The following LMNTD1 variants were observed in gnomAD, a reference collection of about 807,000 sequenced individuals.
LMNTD1 encodes lamin tail domain-containing protein 1.
Under a neutral mutation model 50.9 loss-of-function variants are expected in LMNTD1, and 35 were observed. That is an observed-to-expected ratio of 0.69 (90% CI 0.53 to 0.91). The LOEUF (loss-of-function observed/expected upper bound fraction) is 0.91, where lower values mean the gene tolerates loss of function less well. LMNTD1 is among the 40% of genes least tolerant of loss of function. LMNTD1 has a pLI of 0.00. For missense variants in LMNTD1, 470 were observed against 475.5 expected, an observed-to-expected ratio of 0.99 and a Z score of 0.11; for synonymous variants, 153 against 161.9, an observed-to-expected ratio of 0.94 and a Z score of 0.42.
chr12:25,566,103 T>C (rs1206240043), intron 1 of LMNTD1, among the ~76,000 whole-genome samples: 1 of 152,160 alleles, frequency 6.6e-6, no homozygotes, highest in East Asian at 1.9e-4. Flanking sequence ...TGGTGTTCTA[T>C]AAGCTTCTTA....
At chr12:25,613,513 T>C (rs1170219426) in intron 1 of LMNTD1, among the ~76,000 whole-genome samples, 1 of 152,186 alleles carries the variant, frequency 6.6e-6, no homozygotes, top group Non-Finnish European at 1.5e-5. Flanking sequence ...GCAACAAAAA[T>C]GTTAACTCTA....
chr12:25,507,544 C>A (rs1439106091), intron 8 of LMNTD1, among the ~76,000 whole-genome samples: 1 of 152,194 alleles, frequency 6.6e-6, no homozygotes, highest in Non-Finnish European at 1.5e-5. Context: ...CTTTGGGTGG[C>A]TCTTCCATCC....
At chr12:25,525,387 T>A (rs1941633776) in intron 6 of LMNTD1, among the ~76,000 whole-genome samples, 1 of 152,198 alleles carries the variant, frequency 6.6e-6, no homozygotes, top group Admixed American at 6.5e-5. Context: ...TAATCTGTTA[T>A]ATTCCCAGTA....
At chr12:25,580,842 A>G (rs779607651) in intron 1 of LMNTD1, among the ~76,000 whole-genome samples, 1 of 152,130 alleles carries the variant, frequency 6.6e-6, no homozygotes, top group Non-Finnish European at 1.5e-5. Context: ...AATCTCTTAA[A>G]CCTATGAGAC....
At chr12:25,578,187 T>G (rs187575939) in intron 1 of LMNTD1, among the ~76,000 whole-genome samples, 113 of 152,332 alleles carry the variant, frequency 7.4e-4, no homozygotes, top group African/African-American at 2.7e-3. Context: ...TGTCCAATCA[T>G]GTTTACACTA....
chr12:25,648,552 G>A (rs902512860), exon 1 of LMNTD1: 2 of 1,551,460 alleles, frequency 1.3e-6, no homozygotes, highest in Non-Finnish European at 1.7e-6. Context: ...GCTGTTGCAT[G>A]TAGTGTCCTT....
At chr12:25,492,461 A>G (rs753264009) in intron 9 of LMNTD1, among the ~76,000 whole-genome samples, 1 of 152,222 alleles carries the variant, frequency 6.6e-6, no homozygotes, top group Non-Finnish European at 1.5e-5. Context: ...AAAACTTGTC[A>G]CGAATATTTT....
chr12:25,618,353 T>C (rs1946391394), intron 1 of LMNTD1, among the ~76,000 whole-genome samples: 7 of 152,184 alleles, frequency 4.6e-5, no homozygotes, highest in Admixed American at 4.6e-4. Context: ...CAGGTGATTC[T>C]ACTGTGCAGC....
chr12:25,562,782 G>A (rs1039688751), intron 1 of LMNTD1, among the ~76,000 whole-genome samples: 16 of 152,176 alleles, frequency 1.1e-4, no homozygotes, highest in Non-Finnish European at 2.1e-4. Flanking sequence ...CCAATCCGAT[G>A]TAGATTTGGT....
chr12:25,575,774 G>A (rs929914079), intron 1 of LMNTD1, among the ~76,000 whole-genome samples: 3 of 152,038 alleles, frequency 2.0e-5, no homozygotes, highest in African/African-American at 2.4e-5. Flanking sequence ...GTGCCATGTT[G>A]GTGTGCTGCA....
rs56007659 is a variant in LMNTD1 at position 25,542,751 on chromosome 12, G to GA, written c.491+3622dup. On this transcript the variant is annotated intron_variant, in intron 4 of 9. Transcript: ENST00000458174. ...ATAAATAAATTAAATAAAAAAAGAA[G>GA]AAAAAAAAAGCCCAAAGTAGACAGA... is the stretch of plus-strand genomic sequence containing the variant. Among the ~76,000 whole-genome samples, 639 of 144,412 alleles carry GA rather than the reference G, an allele frequency of 4.4e-3. 1 individual carries two copies. Among genetic ancestry groups the GA allele is most frequent in the East Asian group, 0.013 (67 of 5,024 alleles). 94.7% of individuals were successfully genotyped at this position (144,412 alleles called of 152,430 possible). A position where few individuals can be genotyped will look rare whatever the true frequency, so the allele number is the denominator to read the frequency against.
At chr12:25,559,271 C>T (rs1303834874) in intron 1 of LMNTD1, among the ~76,000 whole-genome samples, 1 of 152,124 alleles carries the variant, frequency 6.6e-6, no homozygotes, top group African/African-American at 2.4e-5. Context: ...GTTCAATTCC[C>T]ACCTATGAGT....
At chr12:25,526,274 T>C (rs886430766) in intron 5 of LMNTD1, 56 bp from the exon 6 acceptor site, 35 of 1,536,342 alleles carry the variant, frequency 2.3e-5, no homozygotes, top group Non-Finnish European at 3.0e-5. Context: ...ATTTTGTAAA[T>C]GTCATAGGGT....
At chr12:25,632,768 T>G (rs1946748047) in intron 1 of LMNTD1, among the ~76,000 whole-genome samples, 1 of 151,924 alleles carries the variant, frequency 6.6e-6, no homozygotes, top group Non-Finnish European at 1.5e-5. Flanking sequence ...ATAAAAAACC[T>G]AAAGTACAAG....
At chr12:25,537,478 T>G (rs370709700) in intron 4 of LMNTD1, among the ~76,000 whole-genome samples, 2 of 152,126 alleles carry the variant, frequency 1.3e-5, no homozygotes, top group African/African-American at 4.8e-5. Context: ...CACCTCACAC[T>G]GCAGGGTACT....
intron 4 of LMNTD1, among the ~76,000 whole-genome samples, chr12:25,545,968 T>C (rs1181290014): frequency 6.6e-6 from 1 of 151,662 alleles, no homozygotes; most frequent in Non-Finnish European, 1.5e-5. Flanking sequence ...TCTTTTTGCA[T>C]AGATACTAAC....
rs538471502 is a variant in LMNTD1, at chr12:25,516,565, A to G, written c.1189+2230T>C. 5.9e-4 allele frequency among the ~76,000 whole-genome samples: 90 copies of G among 152,352 alleles called. 1 individual carries two copies. Among genetic ancestry groups the G allele is most frequent in the Middle Eastern group, 3.4e-3 (1 of 294 alleles). On this transcript the variant is annotated intron_variant, in intron 8 of 9. Coordinates refer to ENST00000458174, the MANE Select transcript of LMNTD1 (RefSeq NM_001145728.2). The stretch of plus-strand genomic sequence containing the variant: ...ATTATAAAGGGCTAAAGTTGTTTAC[A>G]TCTATCTAATATATCTATATCTATA...
At chr12:25,573,684 G>A (rs1046386581) in intron 1 of LMNTD1, among the ~76,000 whole-genome samples, 3 of 152,110 alleles carry the variant, frequency 2.0e-5, no homozygotes, top group African/African-American at 7.2e-5. Flanking sequence ...CTAGGAAATT[G>A]GCAACTTGTA....
chr12:25,511,964 G>A (rs1940332088), intron 8 of LMNTD1, among the ~76,000 whole-genome samples: 1 of 152,100 alleles, frequency 6.6e-6, no homozygotes, highest in African/African-American at 2.4e-5. Context: ...CAATACCTTA[G>A]TTCCAATGCT....
Sources: allele counts gnomAD v4.1 joint callset (sites outside exome capture counted in the v4.1 genomes callset), GRCh38; gene constraint gnomAD v4.1.1; transcripts MANE v1.5; gene names NCBI Gene and HGNC (gene_info 2026-07-23, HGNC 2026-07-21).